TAF1: variants seen among roughly 807,000 people sequenced by gnomAD.
The protein encoded by TAF1 is transcription initiation factor TFIID subunit 1.
In TAF1, 2 loss-of-function variants were observed where a neutral mutation model predicts 138.5. The ratio of observed to expected loss-of-function variants is 0.01; its 90% CI spans 0.01 to 0.05. The LOEUF is 0.05. Ranked by LOEUF, TAF1 falls within the 10% of genes least tolerant of loss-of-function variation. The pLI, the probability that TAF1 is intolerant of heterozygous loss-of-function variation, is 1.00. For missense variants in TAF1, 709 were observed against 1,478.0 expected (o/e 0.48, Z 8.53); for synonymous variants, 437 against 503.2 (o/e 0.87, Z 1.76).
chrX:71,401,504 T>A, intron 24 of TAF1, 24 bp from the exon 25 acceptor site: 1 of 1,209,495 alleles, frequency 8.3e-7, no homozygotes, highest in Non-Finnish European at 1.1e-6. Flanking sequence ...ACCTCTGACG[T>A]GTTTGATACT....
At chrX:71,393,890 T>C (rs2034705964) in intron 21 of TAF1, among the ~76,000 whole-genome samples, 177 bp from the exon 22 acceptor site, 1 of 112,533 alleles carries the variant, frequency 8.9e-6, no homozygotes, top group South Asian at 3.6e-4. Context: ...CTACAATTTT[T>C]CAAACTTATC....
At chrX:71,432,717 G>T (rs2036950992) in intron 32 of TAF1, among the ~76,000 whole-genome samples, 1 of 111,624 alleles carries the variant, frequency 9.0e-6, no homozygotes, top group Admixed American at 9.5e-5. Flanking sequence ...CTTTAGTGAC[G>T]CTTTATTGCA....
chrX:71,431,003 ATTTTTT>A (rs41481947), intron 32 of TAF1, among the ~76,000 whole-genome samples: 2 of 68,595 alleles, frequency 2.9e-5, no homozygotes, highest in Non-Finnish European at 5.2e-5. Flanking sequence ...GCTCAGAAGA[ATTTTTT>A]TTTTTTTTTT....
chrX:71,460,569 C>A, intron 36 of TAF1, 57 bp from the exon 37 acceptor site: 1 of 1,172,101 alleles, frequency 8.5e-7, no homozygotes, highest in South Asian at 1.9e-5. Flanking sequence ...AGCCAAAGAT[C>A]AAGTTAAATC....
chrX:71,468,924 G>T (rs1274911329), downstream of TAF1, among the ~76,000 whole-genome samples: 2 of 110,907 alleles, frequency 1.8e-5, no homozygotes, highest in Non-Finnish European at 3.8e-5. Context: ...TGAGGTCAAG[G>T]CTACGGTGAG....
chrX:71,471,461 CT>C (rs1279972405), intron 13 of TAF1, among the ~76,000 whole-genome samples: 3,673 of 87,242 alleles, frequency 0.042, 157 homozygotes, highest in African/African-American at 0.12. Flanking sequence ...GAAATGGTCA[CT>C]TTTTTTTTTT....
intron 32 of TAF1, among the ~76,000 whole-genome samples, chrX:71,428,602 C>A (rs916810087): frequency 8.9e-6 from 1 of 111,747 alleles, no homozygotes; most frequent in African/African-American, 3.2e-5. Flanking sequence ...AGATTATAAT[C>A]CTAATCAGAG....
intron 13 of TAF1, among the ~76,000 whole-genome samples, chrX:71,480,460 A>G (rs2039051288): frequency 2.7e-5 from 3 of 111,811 alleles, no homozygotes; most frequent in South Asian, 7.5e-4. Context: ...CCCACTATGT[A>G]CCCGGTAGTA....
intron 18 of TAF1, among the ~76,000 whole-genome samples, chrX:71,391,849 ACTC>A (rs1193820112): frequency 1.8e-5 from 2 of 108,814 alleles, no homozygotes; most frequent in Non-Finnish European, 3.8e-5. Context: ...CTGGTCTTGA[ACTC>A]CTGGCCTCAA....
At chrX:71,431,830 C>T (rs936229387) in intron 32 of TAF1, among the ~76,000 whole-genome samples, 1 of 108,058 alleles carries the variant, frequency 9.3e-6, no homozygotes. Flanking sequence ...GCAGGAGAAT[C>T]ACTTGAATCC....
intron 13 of TAF1, chrX:71,528,026 C>A (rs978968688): frequency 5.8e-6 from 1 of 171,765 alleles, no homozygotes; most frequent in Non-Finnish European, 1.1e-5. Context: ...CTCTATTTTC[C>A]AGAGTCCCTG....
intron 17 of TAF1, 138 bp downstream of exon 17, chrX:71,389,006 T>A: frequency 1.4e-6 from 1 of 734,860 alleles, no homozygotes; most frequent in Non-Finnish European, 1.9e-6. Context: ...TACCAATTAC[T>A]AAAAAGTTCA....
intron 13 of TAF1, among the ~76,000 whole-genome samples, chrX:71,512,771 T>C (rs899145262): frequency 1.8e-5 from 2 of 111,257 alleles, no homozygotes; most frequent in African/African-American, 6.6e-5. Context: ...TGAGCCGAGA[T>C]TGTGCCACTG....
Position 71,421,441 on chromosome X carries a change from A to G in TAF1, c.4452+65A>G, listed in dbSNP as rs368978866. On this transcript the variant is annotated intron_variant, in intron 29 of 37. Transcript: ENST00000423759. ...AGGTGGGGGTGGGATATCAGGGTTT[A>G]GGAAGTAGGGAATTTAACAGAAGGA... 17 of 973,079 alleles carry G rather than the reference A, an allele frequency of 1.7e-5. No homozygotes were observed. The African/African-American group carries it at 3.3e-4, about 19-fold the overall frequency. 80.2% of individuals were successfully genotyped at this position (973,079 alleles called of 1,213,427 possible). A position where few individuals can be genotyped will look rare whatever the true frequency, so the allele number is the denominator to read the frequency against.
At chrX:71,421,712 T>C (rs761367706) in intron 29 of TAF1, among the ~76,000 whole-genome samples, 1 of 112,367 alleles carries the variant, frequency 8.9e-6, no homozygotes, top group South Asian at 3.6e-4. Flanking sequence ...GTCAATGTTT[T>C]AGGAAGAATT....
intron 13 of TAF1, among the ~76,000 whole-genome samples, chrX:71,524,667 G>C (rs1178751597): frequency 2.7e-5 from 3 of 109,474 alleles, no homozygotes; most frequent in Non-Finnish European, 5.7e-5. Flanking sequence ...AAATGGCTGG[G>C]TGTGGTGGCT....
At chrX:71,493,163 C>T (rs2039329126) in intron 13 of TAF1, among the ~76,000 whole-genome samples, 1 of 110,720 alleles carries the variant, frequency 9.0e-6, no homozygotes, top group Non-Finnish European at 1.9e-5. Flanking sequence ...GGACAATAGG[C>T]GCGCCATGCC....
chrX:71,433,950 T>C (rs1350055586), intron 32 of TAF1, among the ~76,000 whole-genome samples: 1 of 111,870 alleles, frequency 8.9e-6, no homozygotes, highest in African/African-American at 3.2e-5. Context: ...CATAAAGACA[T>C]TGAGGAGTGA....
At chrX:71,397,688 G>T (rs1490961175) in intron 23 of TAF1, among the ~76,000 whole-genome samples, 1 of 110,899 alleles carries the variant, frequency 9.0e-6, no homozygotes, top group East Asian at 2.8e-4. Flanking sequence ...TTGCCATGTT[G>T]ACCAGGCTGG....
Sources: allele counts gnomAD v4.1 joint callset (sites outside exome capture counted in the v4.1 genomes callset), GRCh38; gene constraint gnomAD v4.1.1; transcripts MANE v1.5; gene names NCBI Gene and HGNC (gene_info 2026-07-23, HGNC 2026-07-21).